TTC28: variants seen among roughly 807,000 people sequenced by gnomAD.
The protein encoded by TTC28 is tetratricopeptide repeat protein 28.
Under a neutral mutation model 198.0 loss-of-function variants are expected in TTC28, and 61 were observed. The observed-to-expected ratio is 0.31, with a 90% CI of 0.25 to 0.38. TTC28 has a LOEUF of 0.38. TTC28 is among the 10% of genes least tolerant of loss of function. TTC28 has a pLI of 1.00. For synonymous variants in TTC28, 1,171 were observed against 1,297.8 expected, an observed-to-expected ratio of 0.90 and a Z score of 2.10; for missense variants, 2,678 against 3,164.0, an observed-to-expected ratio of 0.85 and a Z score of 3.69.
rs1273196418 is a variant in TTC28, at chr22:27,982,134, TG to T, written c.*86del. The T allele has an allele frequency of 6.0e-6, 8 of 1,328,388 alleles. No individual in the cohort carries two copies. The East Asian group carries it at 1.8e-4, about 30-fold the overall frequency. The allele number at this position is 1,328,388 out of a possible 1,614,324, so 82.3% of individuals were successfully genotyped here. On this transcript the variant is annotated 3_prime_UTR_variant, in exon 23 of 23. Transcript: ENST00000397906. This position sits in a 1 kb window ranked among gnomAD's most constrained non-coding sequence, Gnocchi z 5.2. ...AGCATCATGAGGGTGCTGGTGGCTG[TG>T]GGGGGACTGCACTCAGGGAAGGGCT...
chr22:28,081,693 T>C (rs1055878515), intron 12 of TTC28, among the ~76,000 whole-genome samples: 10 of 152,060 alleles, frequency 6.6e-5, no homozygotes, highest in African/African-American at 2.2e-4. Flanking sequence ...GATTTCACCA[T>C]GTTGGCCAGG....
intron 2 of TTC28, among the ~76,000 whole-genome samples, chr22:28,368,981 G>T (rs1601699564): frequency 6.6e-6 from 1 of 151,870 alleles, no homozygotes; most frequent in South Asian, 2.1e-4. Context: ...GGAATCTACG[G>T]ATTCAATGTA....
chr22:28,332,813 G>A (rs2045638100), intron 2 of TTC28, among the ~76,000 whole-genome samples: 1 of 151,942 alleles, frequency 6.6e-6, no homozygotes, highest in African/African-American at 2.4e-5. Context: ...AAATCATTGT[G>A]TCATTATGGC....
chr22:28,659,732 A>T (rs1004579715), intron 1 of TTC28, among the ~76,000 whole-genome samples: 3 of 152,122 alleles, frequency 2.0e-5, no homozygotes, highest in Non-Finnish European at 2.9e-5. Context: ...AATGAACTCC[A>T]GCCTGGGTGA....
At chr22:28,032,074 T>A (rs1057138182) in intron 12 of TTC28, among the ~76,000 whole-genome samples, 2 of 150,842 alleles carry the variant, frequency 1.3e-5, no homozygotes, top group African/African-American at 4.9e-5. Flanking sequence ...CACAACCACA[T>A]GAACCAATTC....
intron 2 of TTC28, among the ~76,000 whole-genome samples, chr22:28,544,193 G>A (rs920072468): frequency 1.3e-5 from 2 of 152,144 alleles, no homozygotes; most frequent in Admixed American, 6.5e-5. Flanking sequence ...ACTCCAGCCT[G>A]GGCAACACAG....
At chr22:28,632,773 A>G (rs1182711938) in intron 1 of TTC28, among the ~76,000 whole-genome samples, 1 of 151,920 alleles carries the variant, frequency 6.6e-6, no homozygotes, top group East Asian at 1.9e-4. Context: ...GTTATTAAAA[A>G]AAAAAAAAGG....
At chr22:28,180,171 C>T (rs760206608) in intron 5 of TTC28, among the ~76,000 whole-genome samples, 1 of 152,058 alleles carries the variant, frequency 6.6e-6, no homozygotes, top group Non-Finnish European at 1.5e-5. Context: ...ATGATATATA[C>T]TCTCTATTTA....
At chr22:28,597,027 G>C (rs1376085532) in intron 2 of TTC28, among the ~76,000 whole-genome samples, 1 of 152,104 alleles carries the variant, frequency 6.6e-6, no homozygotes, top group East Asian at 1.9e-4. Flanking sequence ...GAAGCCTCAA[G>C]GGTAATACCG....
chr22:28,123,039 C>A (rs1210113132), intron 6 of TTC28, among the ~76,000 whole-genome samples: 2 of 152,096 alleles, frequency 1.3e-5, no homozygotes, highest in African/African-American at 4.8e-5. Context: ...ACAAAGGAGC[C>A]AAAGAAGGGC....
intron 12 of TTC28, among the ~76,000 whole-genome samples, chr22:28,037,240 C>G (rs1316786794): frequency 6.6e-6 from 1 of 152,182 alleles, no homozygotes; most frequent in Admixed American, 6.5e-5. Context: ...GCCAATATCC[C>G]TGACGACCAT....
At chr22:28,018,180 C>T (rs1017885664) in intron 13 of TTC28, among the ~76,000 whole-genome samples, 1 of 152,058 alleles carries the variant, frequency 6.6e-6, no homozygotes, top group African/African-American at 2.4e-5. Flanking sequence ...GACCTGGCCA[C>T]GGGGCCCCTT....
chr22:28,578,562 C>CA (rs1290295687), intron 2 of TTC28, among the ~76,000 whole-genome samples: 6 of 152,174 alleles, frequency 3.9e-5, no homozygotes, highest in South Asian at 2.1e-4. Flanking sequence ...ACTATTCAAA[C>CA]AAAAAATCAC....
At chr22:28,366,298 T>C (rs185673999) in intron 2 of TTC28, among the ~76,000 whole-genome samples, 273 of 152,242 alleles carry the variant, frequency 1.8e-3, no homozygotes, top group African/African-American at 6.3e-3. Context: ...ACACAATATA[T>C]TTTCTTCTCA....
rs563402787 is a variant in TTC28 at position 28,086,999 on chromosome 22, C to T, written c.3932+7081G>A. Among the ~76,000 whole-genome samples, 46 of 152,114 alleles carry T rather than the reference C, an allele frequency of 3.0e-4. 1 individual carries two copies. In the East Asian group the frequency reaches 7.9e-3, roughly 26 times the overall value. ...ATCTAAATAGACCAATAACAGGCTCCGAAATTGTAGCAATAATCAATAGCT... is the reference window on the plus strand; with the variant it reads ...ATCTAAATAGACCAATAACAGGCTCTGAAATTGTAGCAATAATCAATAGCT... On this transcript the variant is annotated intron_variant, in intron 12 of 22. Transcript: ENST00000397906.
At chr22:28,587,199 A>G (rs2050334516) in intron 2 of TTC28, among the ~76,000 whole-genome samples, 1 of 152,180 alleles carries the variant, frequency 6.6e-6, no homozygotes, top group Non-Finnish European at 1.5e-5. Context: ...TCTACTAAAA[A>G]TACAAAAAAA....
intron 6 of TTC28, among the ~76,000 whole-genome samples, chr22:28,128,171 G>A (rs576401478): frequency 6.6e-6 from 1 of 152,196 alleles, no homozygotes; most frequent in African/African-American, 2.4e-5. Flanking sequence ...AAGTACAGTA[G>A]GCTGGGCACA....
intron 2 of TTC28, among the ~76,000 whole-genome samples, chr22:28,529,543 G>A (rs1245120249): frequency 6.6e-6 from 1 of 152,216 alleles, no homozygotes; most frequent in African/African-American, 2.4e-5. Context: ...CTGTCTGACA[G>A]CTTTGAAGAG....
At chr22:28,321,035 A>C (rs988120787) in intron 2 of TTC28, among the ~76,000 whole-genome samples, 2 of 152,236 alleles carry the variant, frequency 1.3e-5, no homozygotes, top group Admixed American at 6.5e-5. Context: ...CAACAAATAG[A>C]AGCAAGAGGA....
Sources: allele counts gnomAD v4.1 joint callset (sites outside exome capture counted in the v4.1 genomes callset), GRCh38; gene constraint gnomAD v4.1.1; non-coding constraint Gnocchi (gnomAD v3.1); transcripts MANE v1.5; gene names NCBI Gene and HGNC (gene_info 2026-07-23, HGNC 2026-07-21).